GABRA1: variants seen among roughly 807,000 people sequenced by gnomAD.
GABRA1 encodes the protein gamma-aminobutyric acid receptor subunit alpha-1.
GABRA1 carries 9 observed loss-of-function variants against 48.9 expected under a neutral mutation model. That is an observed-to-expected ratio of 0.18 (90% CI 0.11 to 0.32). The LOEUF (loss-of-function observed/expected upper bound fraction) is 0.32, where lower values mean the gene tolerates loss of function less well. GABRA1 is among the 10% of genes least tolerant of loss of function. GABRA1 has a pLI of 1.00. For synonymous variants in GABRA1, 210 were observed against 198.7 expected (o/e 1.06, Z -0.48); for missense variants, 285 against 553.8 (o/e 0.51, Z 4.87).
At chr5:161,894,229 T>A (rs192074959) in intron 8 of GABRA1, among the ~76,000 whole-genome samples, 95 of 152,212 alleles carry the variant, frequency 6.2e-4, no homozygotes, top group Admixed American at 3.5e-3. Context: ...AAGAAAAAAA[T>A]TTTATAAACC....
Position 161,848,162 on chromosome 5 carries a change from T to C in GABRA1, c.-276T>C, listed in dbSNP as rs1202139868. 1 of 152,186 alleles carries C rather than the reference T, an allele frequency of 6.6e-6. No homozygotes were observed. The highest frequency in any genetic ancestry group is 1.5e-5 in the Non-Finnish European group (1 of 68,066). 9.4% of individuals were successfully genotyped at this position (152,186 alleles called of 1,614,324 possible). A position where few individuals can be genotyped will look rare whatever the true frequency, so the allele number is the denominator to read the frequency against. ...TGCCCTGGGACGTATTACTACTGTC[T>C]TGGTAAAGAGAAATCTTTTGTTGTA... On this transcript the variant is annotated 5_prime_UTR_variant, in exon 1 of 10. Coordinates refer to ENST00000393943, the MANE Select transcript of GABRA1 (RefSeq NM_001127644.2).
intron 3 of GABRA1, 109 bp downstream of exon 3, chr5:161,854,379 T>G: frequency 1.4e-6 from 1 of 730,550 alleles, no homozygotes; most frequent in Non-Finnish European, 2.5e-6. Context: ...GACATGTAAT[T>G]TAATGACAAA....
At position 161,871,819 on chromosome 5, in the gene GABRA1, A is replaced by G. The variant is rs1025005259; in HGVS notation, c.256-1298A>G. Among the ~76,000 whole-genome samples the G allele has an allele frequency of 2.6e-5, 4 of 152,274 alleles. No individual in the cohort carries two copies. The East Asian group carries it at 7.7e-4, about 29-fold the overall frequency. ...CACCGGATTACACCTCCTTGTTTCT[A>G]TCTCAGTAAGCAATTAGTACTATAT... On this transcript the variant is annotated intron_variant, in intron 4 of 9. Coordinates refer to ENST00000393943, the MANE Select transcript of GABRA1 (RefSeq NM_001127644.2).
At chr5:161,855,076 G>A (rs1757597251) in intron 3 of GABRA1, among the ~76,000 whole-genome samples, 1 of 151,438 alleles carries the variant, frequency 6.6e-6, no homozygotes, top group South Asian at 2.1e-4. Flanking sequence ...AGAAAACCAA[G>A]GTTAGAATCC....
chr5:161,855,496 C>T (rs1258782470), intron 3 of GABRA1, among the ~76,000 whole-genome samples: 3 of 151,452 alleles, frequency 2.0e-5, no homozygotes, highest in African/African-American at 7.2e-5. Context: ...TACAAATTTC[C>T]CCAGGTTTAG....
At chr5:161,854,802 TAC>T (rs2113309602) in intron 3 of GABRA1, among the ~76,000 whole-genome samples, 1 of 151,744 alleles carries the variant, frequency 6.6e-6, no homozygotes, top group African/African-American at 2.4e-5. Flanking sequence ...TTTTCTGTAA[TAC>T]AATTTTATTT....
intron 1 of GABRA1, chr5:161,850,555 G>A (rs949652486): frequency 2.7e-5 from 16 of 583,408 alleles, no homozygotes; most frequent in African/African-American, 1.1e-4. Context: ...ACCTGAAAGC[G>A]TTTCAGCTTG....
chr5:161,881,278 A>G (rs757083067), intron 6 of GABRA1, among the ~76,000 whole-genome samples: 1 of 152,142 alleles, frequency 6.6e-6, no homozygotes. Context: ...CTCATTCTGC[A>G]TCTAAATAGA....
chr5:161,876,121 A>G (rs1369982344), intron 6 of GABRA1, among the ~76,000 whole-genome samples: 3 of 152,132 alleles, frequency 2.0e-5, no homozygotes, highest in Non-Finnish European at 4.4e-5. Flanking sequence ...TGCAAAAAAC[A>G]CAAATACCCT....
chr5:161,882,546 G>A lies in GABRA1; in HGVS notation c.560-12G>A, dbSNP rs2113414298. ...TAAAATATATGGATCATTTTCTACTGTTTCCTTTTAGATGCTTATACAAGA... is the reference window on the plus strand; with the variant it reads ...TAAAATATATGGATCATTTTCTACTATTTCCTTTTAGATGCTTATACAAGA... On this transcript the variant is annotated splice_polypyrimidine_tract_variant and intron_variant, in intron 6 of 9. Coordinates refer to ENST00000393943, the MANE Select transcript of GABRA1 (RefSeq NM_001127644.2). 2 of 1,611,986 alleles carry A rather than the reference G, an allele frequency of 1.2e-6. No individual in the cohort carries two copies. Among genetic ancestry groups the A allele is most frequent in the South Asian group, 1.1e-5 (1 of 91,036 alleles).
intron 8 of GABRA1, among the ~76,000 whole-genome samples, chr5:161,892,593 C>A (rs1755142605): frequency 6.6e-6 from 1 of 152,144 alleles, no homozygotes; most frequent in South Asian, 2.1e-4. Context: ...TATTAATTAG[C>A]AATGAACTCA....
chr5:161,865,178 A>G (rs923485466), intron 3 of GABRA1, among the ~76,000 whole-genome samples: 1 of 152,084 alleles, frequency 6.6e-6, no homozygotes, highest in African/African-American at 2.4e-5. Flanking sequence ...TGAAAATTGA[A>G]GAGACTTATA....
chr5:161,856,884 C>T (rs1757667405), intron 3 of GABRA1, among the ~76,000 whole-genome samples: 1 of 151,044 alleles, frequency 6.6e-6, no homozygotes, highest in African/African-American at 2.4e-5. Flanking sequence ...TGTGATAATA[C>T]CATGATAGCT....
chr5:161,896,772 C>T (rs970295093), intron 9 of GABRA1, among the ~76,000 whole-genome samples: 2 of 152,120 alleles, frequency 1.3e-5, no homozygotes, highest in African/African-American at 4.8e-5. Context: ...TTCCTGGTCA[C>T]AGCATATTAA....
intron 5 of GABRA1, 81 bp from the exon 6 acceptor site, chr5:161,875,479 C>G: frequency 9.3e-7 from 1 of 1,079,516 alleles, no homozygotes; most frequent in East Asian, 2.4e-5. Context: ...ATATTTGCTA[C>G]AGTTAATAAC....
rs1757293257 is a variant in GABRA1, at chr5:161,848,428, T to A, written c.-16+6T>A. The A allele has an allele frequency of 6.7e-6, 1 of 148,496 alleles. No homozygotes were observed. The highest frequency in any genetic ancestry group is 2.1e-4 in the East Asian group (1 of 4,810). The allele number at this position is 148,496 out of a possible 1,614,324, so 9.2% of individuals were successfully genotyped here. A position where few individuals can be genotyped will look rare whatever the true frequency, so the allele number is the denominator to read the frequency against. On this transcript the variant is annotated splice_donor_region_variant and intron_variant, in intron 1 of 9. Coordinates refer to ENST00000393943, the MANE Select transcript of GABRA1 (RefSeq NM_001127644.2). ...GTGTCCAGAGGGGGCCTTAGGTAAGTGCGACTTTGGACCACGATACACAGA... is the reference window on the plus strand; with the variant it reads ...GTGTCCAGAGGGGGCCTTAGGTAAGAGCGACTTTGGACCACGATACACAGA...
intron 6 of GABRA1, among the ~76,000 whole-genome samples, chr5:161,878,734 G>A (rs912399946): frequency 6.6e-6 from 1 of 152,166 alleles, no homozygotes; most frequent in Non-Finnish European, 1.5e-5. Context: ...CACTGCTTTT[G>A]AGAAATATAC....
intron 7 of GABRA1, among the ~76,000 whole-genome samples, chr5:161,889,267 A>T (rs930492037): frequency 1.3e-5 from 2 of 152,074 alleles, no homozygotes; most frequent in Non-Finnish European, 2.9e-5. Flanking sequence ...AATTAAATTT[A>T]TTTTAACATT....
chr5:161,847,556 G>T (rs1031467490), upstream of GABRA1: 8 of 152,132 alleles, frequency 5.3e-5, no homozygotes, highest in African/African-American at 1.9e-4. Flanking sequence ...GAGAAAGTGC[G>T]AAAGACTCTC....
Sources: gnomAD v4.1 joint callset for allele counts (sites outside exome capture counted in the v4.1 genomes callset) on GRCh38, gnomAD v4.1.1 for gene constraint, MANE v1.5 for transcripts, NCBI Gene and HGNC (gene_info 2026-07-23, HGNC 2026-07-21) for gene names.